GRXCR1: variants seen among roughly 807,000 people sequenced by gnomAD.
GRXCR1 encodes glutaredoxin and cysteine rich domain containing 1.
GRXCR1 carries 27 observed loss-of-function variants against 27.3 expected under a neutral mutation model. The ratio of observed to expected loss-of-function variants is 0.99; its 90% CI spans 0.73 to 1.37. The LOEUF (loss-of-function observed/expected upper bound fraction) is 1.37. Among genes scored for constraint, GRXCR1 ranks in the 40% most tolerant of loss-of-function variants. The probability of loss-of-function intolerance (pLI) is 0.00; values close to 1 mark genes in which losing one functional copy is unlikely to be tolerated. For synonymous variants in GRXCR1, 122 were observed against 131.1 expected (o/e 0.93, Z 0.47); for missense variants, 379 against 354.4 (o/e 1.07, Z -0.56).
chr4:42,973,747 T>C (rs1285847787), intron 2 of GRXCR1, among the ~76,000 whole-genome samples: 1 of 152,164 alleles, frequency 6.6e-6, no homozygotes, highest in African/African-American at 2.4e-5. Flanking sequence ...GGATAAACTC[T>C]TTTTCTTACT....
At chr4:42,944,780 T>G (rs1362809414) in intron 1 of GRXCR1, among the ~76,000 whole-genome samples, 3 of 152,114 alleles carry the variant, frequency 2.0e-5, no homozygotes, top group African/African-American at 7.2e-5. Context: ...TGAGATAAAT[T>G]TATGCCCAAA....
chr4:42,934,987 A>G (rs1272893022), intron 1 of GRXCR1, among the ~76,000 whole-genome samples: 2 of 152,004 alleles, frequency 1.3e-5, no homozygotes, highest in African/African-American at 2.4e-5. Flanking sequence ...TGGGGGTTCC[A>G]TAACTCTTGG....
intron 1 of GRXCR1, among the ~76,000 whole-genome samples, chr4:42,927,635 TA>T (rs1051873561): frequency 6.6e-6 from 1 of 151,872 alleles, no homozygotes; most frequent in African/African-American, 2.4e-5. Context: ...TAAGATGATT[TA>T]AATGTCTGGA....
intron 2 of GRXCR1, among the ~76,000 whole-genome samples, chr4:42,965,379 C>T (rs1242729494): frequency 6.6e-6 from 1 of 152,026 alleles, no homozygotes; most frequent in East Asian, 1.9e-4. Flanking sequence ...ACTTCTAAAT[C>T]TTTAATTCAA....
At chr4:42,961,989 G>T (rs11944834) in intron 1 of GRXCR1, among the ~76,000 whole-genome samples, 4,619 of 152,076 alleles carry the variant, frequency 0.03, 77 homozygotes, top group South Asian at 0.057. Context: ...GTATAGTTGT[G>T]TTCTGTTCAG....
chr4:42,955,519 G>C (rs1338452210), intron 1 of GRXCR1, among the ~76,000 whole-genome samples: 1 of 152,022 alleles, frequency 6.6e-6, no homozygotes, highest in East Asian at 1.9e-4. Context: ...GCACAACTGA[G>C]TTCCAATTTT....
intron 2 of GRXCR1, among the ~76,000 whole-genome samples, chr4:43,000,683 A>G (rs1342218520): frequency 2.0e-5 from 3 of 151,744 alleles, no homozygotes; most frequent in African/African-American, 7.3e-5. Context: ...ATATATATAT[A>G]CAGAGAAAAC....
At chr4:42,981,122 C>T (rs1302011793) in intron 2 of GRXCR1, among the ~76,000 whole-genome samples, 5 of 149,164 alleles carry the variant, frequency 3.4e-5, no homozygotes, top group African/African-American at 9.8e-5. Flanking sequence ...CTGCTGTCTT[C>T]CTTTGTAGCT....
At chr4:43,013,611 T>C (rs192775220) in intron 2 of GRXCR1, among the ~76,000 whole-genome samples, 1 of 152,102 alleles carries the variant, frequency 6.6e-6, no homozygotes, top group African/African-American at 2.4e-5. Flanking sequence ...AACCTGCACA[T>C]GTACCCCTGA....
At position 43,017,318 on chromosome 4, in the gene GRXCR1, A is replaced by C. The variant is rs75967649; in HGVS notation, c.628-3036A>C. ...TTTTTCAATAATACAATTGTGCTGT[A>C]TCAGTGAGCAGGCAGCTTGCAGGGT... On this transcript the variant is annotated intron_variant, in intron 2 of 3. Transcript: ENST00000399770. 1.7e-4 allele frequency among the ~76,000 whole-genome samples: 26 copies of C among 152,286 alleles called. No homozygotes were observed. In the East Asian group the frequency reaches 5.0e-3, roughly 29 times the overall value.
chr4:42,986,929 C>G (rs142706927), intron 2 of GRXCR1, among the ~76,000 whole-genome samples: 138 of 150,916 alleles, frequency 9.1e-4, no homozygotes, highest in Middle Eastern at 3.4e-3. Flanking sequence ...ACCTTCTGTG[C>G]GATGTTCTAG....
At chr4:42,935,976 T>A (rs887532912) in intron 1 of GRXCR1, among the ~76,000 whole-genome samples, 2 of 151,866 alleles carry the variant, frequency 1.3e-5, no homozygotes, top group African/African-American at 4.8e-5. Context: ...CCCATCCTAC[T>A]TTTTTGTTTT....
chr4:42,920,682 A>G (rs183072696), intron 1 of GRXCR1, among the ~76,000 whole-genome samples: 98 of 151,930 alleles, frequency 6.5e-4, no homozygotes, highest in Middle Eastern at 6.8e-3. Context: ...TCCCTGCCTC[A>G]CTTCCTTCCT....
intron 1 of GRXCR1, among the ~76,000 whole-genome samples, chr4:42,911,229 C>T (rs1234410170): frequency 6.6e-6 from 1 of 152,020 alleles, no homozygotes; most frequent in African/African-American, 2.4e-5. Flanking sequence ...AAAGGAAAAT[C>T]CAATCTAATT....
At chr4:42,990,426 C>T (rs539006976) in intron 2 of GRXCR1, among the ~76,000 whole-genome samples, 4 of 151,388 alleles carry the variant, frequency 2.6e-5, no homozygotes, top group South Asian at 2.1e-4. Flanking sequence ...CTCCTGACCT[C>T]GTGATCTGCC....
intron 2 of GRXCR1, among the ~76,000 whole-genome samples, chr4:42,971,251 C>G (rs1354368927): frequency 6.6e-6 from 1 of 152,144 alleles, no homozygotes; most frequent in Non-Finnish European, 1.5e-5. Context: ...ATATCTTTCT[C>G]TCTTCTTCTG....
At chr4:42,916,481 A>T (rs964139363) in intron 1 of GRXCR1, among the ~76,000 whole-genome samples, 1 of 152,148 alleles carries the variant, frequency 6.6e-6, no homozygotes, top group African/African-American at 2.4e-5. Flanking sequence ...CATACCATTG[A>T]CATTGTGAAA....
chr4:42,932,618 A>ATATATATG (rs1560654355), intron 1 of GRXCR1, among the ~76,000 whole-genome samples: 7 of 34,460 alleles, frequency 2.0e-4, no homozygotes, highest in African/African-American at 6.1e-4. Flanking sequence ...ATATATATAT[A>ATATATATG]TAGAGAGAGA....
chr4:42,950,250 T>C (rs966430373), intron 1 of GRXCR1, among the ~76,000 whole-genome samples: 2 of 152,160 alleles, frequency 1.3e-5, no homozygotes, highest in Admixed American at 6.6e-5. Flanking sequence ...TCTGATGCCA[T>C]TGTTCAATAT....
Sources: gnomAD v4.1 joint callset for allele counts (sites outside exome capture counted in the v4.1 genomes callset) on GRCh38, gnomAD v4.1.1 for gene constraint, MANE v1.5 for transcripts, NCBI Gene and HGNC (gene_info 2026-07-23, HGNC 2026-07-21) for gene names.